Variants in FAM81A observed in about 807,000 individuals in gnomAD.
FAM81A encodes protein FAM81A.
Under a neutral mutation model 46.7 loss-of-function variants are expected in FAM81A, and 19 were observed. The observed-to-expected ratio is 0.41, with a 90% CI of 0.28 to 0.60. FAM81A has a LOEUF of 0.60. Ranked by LOEUF, FAM81A falls within the 20% of genes least tolerant of loss-of-function variation. The pLI, the probability that FAM81A is intolerant of heterozygous loss-of-function variation, is 0.34. For missense variants in FAM81A, 377 were observed against 453.5 expected (o/e 0.83, Z 1.53); for synonymous variants, 183 against 152.9 (o/e 1.20, Z -1.45).
intron 5 of FAM81A, 149 bp downstream of exon 5, chr15:59,507,491 C>G: frequency 8.3e-7 from 1 of 1,201,510 alleles, no homozygotes; most frequent in Non-Finnish European, 1.1e-6. Context: ...TTGATTCTTC[C>G]TTTCCTATTT....
intron 2 of FAM81A, among the ~76,000 whole-genome samples, chr15:59,418,517 T>C (rs1483959043): frequency 3.9e-5 from 6 of 152,228 alleles, no homozygotes; most frequent in African/African-American, 9.6e-5. Flanking sequence ...TCTGGTCTAA[T>C]CAATAGCTCG....
At chr15:59,412,134 G>A (rs1338471840) in intron 2 of FAM81A, among the ~76,000 whole-genome samples, 1 of 152,116 alleles carries the variant, frequency 6.6e-6, no homozygotes, top group Non-Finnish European at 1.5e-5. Context: ...AGATCTGCAT[G>A]TGGGCCCAGC....
chr15:59,513,796 G>A (rs2082238132), intron 6 of FAM81A, among the ~76,000 whole-genome samples: 1 of 152,096 alleles, frequency 6.6e-6, no homozygotes, highest in Non-Finnish European at 1.5e-5. Flanking sequence ...CTGCAGCAGT[G>A]TTCACAATAG....
At chr15:59,511,847 C>T (rs1439190809) in intron 6 of FAM81A, among the ~76,000 whole-genome samples, 1 of 152,026 alleles carries the variant, frequency 6.6e-6, no homozygotes, top group African/African-American at 2.4e-5. Flanking sequence ...GATGGGGTTT[C>T]ACCATGTTAG....
At chr15:59,501,514 T>A (rs1230467941) in intron 4 of FAM81A, among the ~76,000 whole-genome samples, 1 of 152,098 alleles carries the variant, frequency 6.6e-6, no homozygotes, top group African/African-American at 2.4e-5. Flanking sequence ...TACAATAATA[T>A]GGAAAATGAG....
chr15:59,440,652 C>T (rs769479579), intron 1 of FAM81A, among the ~76,000 whole-genome samples: 2 of 152,170 alleles, frequency 1.3e-5, no homozygotes, highest in Non-Finnish European at 1.5e-5. Flanking sequence ...ATCTTGAACT[C>T]GGACTTCAGC....
intron 3 of FAM81A, among the ~76,000 whole-genome samples, chr15:59,472,592 G>A (rs536794674): frequency 1.3e-5 from 2 of 151,834 alleles, no homozygotes; most frequent in African/African-American, 4.8e-5. Context: ...TCTGGAGACG[G>A]GGTCTGGCTG....
At chr15:59,470,196 C>T (rs1437361134) in intron 3 of FAM81A, among the ~76,000 whole-genome samples, 1 of 152,120 alleles carries the variant, frequency 6.6e-6, no homozygotes, top group Non-Finnish European at 1.5e-5. Flanking sequence ...TGGGGTTGCT[C>T]TTCTCTAGGA....
intron 2 of FAM81A, among the ~76,000 whole-genome samples, chr15:59,431,683 C>T (rs1482765596): frequency 1.3e-5 from 2 of 152,202 alleles, no homozygotes; most frequent in Non-Finnish European, 2.9e-5. Context: ...TGGGGTACAT[C>T]TTCCCCAAGG....
chr15:59,521,526 T>C lies in FAM81A; in HGVS notation c.*148T>C, dbSNP rs2082328343. 5.0e-6 allele frequency: 4 copies of C among 807,258 alleles called. No homozygotes were observed. Among genetic ancestry groups the C allele is most frequent in the Non-Finnish European group, 7.0e-6 (4 of 572,594 alleles). 50.0% of individuals were successfully genotyped at this position (807,258 alleles called of 1,614,324 possible). On this transcript the variant is annotated 3_prime_UTR_variant, in exon 9 of 9. Coordinates refer to ENST00000288228, the MANE Select transcript of FAM81A (RefSeq NM_152450.3). Reference sequence around the variant, plus strand: ...ATGTGTTTTTATGGGTCTAAATGTTTACCTTGAGTCTTGAAAATACTCTTT... The same window carrying C: ...ATGTGTTTTTATGGGTCTAAATGTTCACCTTGAGTCTTGAAAATACTCTTT...
chr15:59,399,055 G>T (rs1335006517), intron 1 of FAM81A, among the ~76,000 whole-genome samples: 1 of 152,124 alleles, frequency 6.6e-6, no homozygotes, highest in Admixed American at 6.5e-5. Context: ...TGTAATCCCA[G>T]CTACTCGGTA....
At chr15:59,464,862 G>C (rs1317550175) in intron 3 of FAM81A, among the ~76,000 whole-genome samples, 1 of 152,038 alleles carries the variant, frequency 6.6e-6, no homozygotes, top group Admixed American at 6.6e-5. Context: ...CTGTGCTTTT[G>C]AGGTCTTATT....
intron 4 of FAM81A, among the ~76,000 whole-genome samples, chr15:59,495,110 A>G (rs1444824417): frequency 1.3e-5 from 2 of 152,210 alleles, no homozygotes; most frequent in African/African-American, 4.8e-5. Context: ...TCACACAGTC[A>G]TGTAGTCATC....
At chr15:59,509,078 A>G in intron 6 of FAM81A, 109 bp downstream of exon 6, 1 of 817,266 alleles carries the variant, frequency 1.2e-6, no homozygotes, top group Non-Finnish European at 1.9e-6. Context: ...ATTGAAAACA[A>G]TAATGGAAGT....
intron 2 of FAM81A, among the ~76,000 whole-genome samples, chr15:59,429,505 GA>G (rs2081210331): frequency 6.6e-6 from 1 of 152,114 alleles, no homozygotes. Context: ...TTAATAAAAG[GA>G]AAGCTGATAT....
At chr15:59,484,379 G>C (rs2081891876) in intron 3 of FAM81A, among the ~76,000 whole-genome samples, 1 of 152,098 alleles carries the variant, frequency 6.6e-6, no homozygotes, top group African/African-American at 2.4e-5. Flanking sequence ...ACAAAATAAA[G>C]CACCTTCATG....
chr15:59,400,380 G>A (rs1356811506), intron 1 of FAM81A, among the ~76,000 whole-genome samples: 4 of 151,896 alleles, frequency 2.6e-5, no homozygotes, highest in Non-Finnish European at 5.9e-5. Flanking sequence ...ACTGCACCCC[G>A]CACACTAGCC....
intron 1 of FAM81A, among the ~76,000 whole-genome samples, chr15:59,452,146 C>G (rs2081426445): frequency 6.6e-6 from 1 of 152,198 alleles, no homozygotes; most frequent in Non-Finnish European, 1.5e-5. Flanking sequence ...TTGTCAAAGT[C>G]TCATCTTAAC....
At position 59,471,620 on chromosome 15, in the gene FAM81A, C is replaced by G. The variant is rs368002054; in HGVS notation, c.294+11414C>G. Among the ~76,000 whole-genome samples, 6 of 136,254 alleles carry G rather than the reference C, an allele frequency of 4.4e-5. No individual in the cohort carries two copies. In the East Asian group the frequency reaches 8.7e-4, roughly 20 times the overall value. 89.4% of individuals were successfully genotyped at this position (136,254 alleles called of 152,430 possible). A position where few individuals can be genotyped will look rare whatever the true frequency, so the allele number is the denominator to read the frequency against. On this transcript the variant is annotated intron_variant, in intron 3 of 8. Coordinates refer to ENST00000288228, the MANE Select transcript of FAM81A (RefSeq NM_152450.3). Reference sequence around the variant, plus strand: ...GGGACTACAGACACATGCTACCATGCCCTGCTAATTTTTCTTATTTTTTTT... The same window carrying G: ...GGGACTACAGACACATGCTACCATGGCCTGCTAATTTTTCTTATTTTTTTT...
Sources: allele counts gnomAD v4.1 joint callset (sites outside exome capture counted in the v4.1 genomes callset), GRCh38; gene constraint gnomAD v4.1.1; transcripts MANE v1.5; gene names NCBI Gene and HGNC (gene_info 2026-07-23, HGNC 2026-07-21).